GPD2: variants seen among roughly 807,000 people sequenced by gnomAD.
GPD2 encodes the protein glycerol-3-phosphate dehydrogenase, mitochondrial.
A neutral mutation model predicts 82.4 loss-of-function variants in GPD2; 54 were observed. The observed-to-expected ratio is 0.66, with a 90% CI of 0.53 to 0.82. The LOEUF (loss-of-function observed/expected upper bound fraction) is 0.82. Ranked by LOEUF, GPD2 falls within the 40% of genes least tolerant of loss-of-function variation. The pLI is 0.00. For missense variants in GPD2, 748 were observed against 896.2 expected (o/e 0.83, Z 2.11); for synonymous variants, 288 against 306.1 (o/e 0.94, Z 0.62).
At chr2:156,445,186 G>A (rs1682327245) in intron 1 of GPD2, among the ~76,000 whole-genome samples, 1 of 152,150 alleles carries the variant, frequency 6.6e-6, no homozygotes, top group South Asian at 2.1e-4. Context: ...AGTACTTTGT[G>A]CACATTTTTT....
intron 9 of GPD2, among the ~76,000 whole-genome samples, chr2:156,563,773 A>AG (rs34331054): frequency 7.9e-5 from 12 of 152,144 alleles, no homozygotes; most frequent in Admixed American, 2.0e-4. Flanking sequence ...TTAATCTACC[A>AG]GACAAGTCTG....
chr2:156,428,974 C>T, the GPD2 span, among the ~76,000 whole-genome samples: 1 of 152,176 alleles, frequency 6.6e-6, no homozygotes, highest in Non-Finnish European at 1.5e-5. Flanking sequence ...AGGTCAATGC[C>T]TACATGTTTG....
chr2:156,401,028 G>A, the GPD2 span, among the ~76,000 whole-genome samples: 1 of 152,212 alleles, frequency 6.6e-6, no homozygotes, highest in Non-Finnish European at 1.5e-5. Context: ...AAGTGAAATA[G>A]GGAATTGGCT....
chr2:156,524,043 T>C (rs1359262037), intron 6 of GPD2, among the ~76,000 whole-genome samples: 1 of 152,196 alleles, frequency 6.6e-6, no homozygotes, highest in Non-Finnish European at 1.5e-5. Flanking sequence ...CATGGATATA[T>C]TATTGCTTAA....
intron 6 of GPD2, among the ~76,000 whole-genome samples, chr2:156,522,953 AG>A (rs1295237381): frequency 5.3e-5 from 8 of 149,546 alleles, no homozygotes; most frequent in Non-Finnish European, 4.5e-5. Flanking sequence ...GAGAAATTTT[AG>A]GTTCACAACA....
chr2:156,572,131 C>T (rs116092360), intron 13 of GPD2, among the ~76,000 whole-genome samples: 78 of 152,150 alleles, frequency 5.1e-4, no homozygotes, highest in Non-Finnish European at 1.0e-3. Context: ...TCTGGAACAC[C>T]ACCTCTCTTG....
chr2:156,425,843 T>C, the GPD2 span, among the ~76,000 whole-genome samples: 1 of 152,022 alleles, frequency 6.6e-6, no homozygotes, highest in South Asian at 2.1e-4. Context: ...CATACTACAG[T>C]CCGGGTGTGT....
intron 2 of GPD2, among the ~76,000 whole-genome samples, chr2:156,486,032 T>C (rs1325716172): frequency 1.3e-5 from 2 of 152,238 alleles, no homozygotes; most frequent in African/African-American, 4.8e-5. Context: ...ATGTGTCTGA[T>C]ATCTAAAGCT....
chr2:156,434,505 C>G (rs940387015), upstream of GPD2, among the ~76,000 whole-genome samples: 3 of 152,122 alleles, frequency 2.0e-5, no homozygotes, highest in East Asian at 5.8e-4. Context: ...GATTGTTCTT[C>G]GTATCACAAA....
At chr2:156,444,449 A>T (rs1259366747) in intron 1 of GPD2, among the ~76,000 whole-genome samples, 1 of 152,204 alleles carries the variant, frequency 6.6e-6, no homozygotes, top group East Asian at 1.9e-4. Context: ...GCAGTGGCTC[A>T]TGCCTGTAAT....
the GPD2 span, among the ~76,000 whole-genome samples, chr2:156,407,079 G>A: frequency 6.6e-6 from 1 of 152,212 alleles, no homozygotes. Context: ...AGGCATGGTG[G>A]CTCATGCCTG....
chr2:156,522,079 G>A (rs1685429473), intron 6 of GPD2, among the ~76,000 whole-genome samples: 1 of 151,970 alleles, frequency 6.6e-6, no homozygotes, highest in Non-Finnish European at 1.5e-5. Flanking sequence ...ATAAATTGTG[G>A]CTTCAAAGGA....
At chr2:156,484,929 C>T (rs1373850229) in intron 2 of GPD2, among the ~76,000 whole-genome samples, 4 of 152,164 alleles carry the variant, frequency 2.6e-5, no homozygotes, top group Non-Finnish European at 5.9e-5. Flanking sequence ...CATCTGCTCA[C>T]CCACCCTCTG....
At chr2:156,455,462 T>TC (rs1416311098) in intron 1 of GPD2, among the ~76,000 whole-genome samples, 1 of 152,198 alleles carries the variant, frequency 6.6e-6, no homozygotes, top group East Asian at 1.9e-4. Context: ...TTCCTTTGAC[T>TC]CGTATATAAG....
chr2:156,484,083 T>G (rs1683840009), intron 2 of GPD2, among the ~76,000 whole-genome samples: 3 of 151,660 alleles, frequency 2.0e-5, no homozygotes, highest in Non-Finnish European at 1.5e-5. Context: ...GTAAACAATA[T>G]TCTATCTGCA....
intron 1 of GPD2, among the ~76,000 whole-genome samples, chr2:156,441,634 G>A (rs1464228916): frequency 4.6e-5 from 7 of 152,192 alleles, no homozygotes; most frequent in African/African-American, 1.7e-4. Context: ...TGAGGATGGG[G>A]TTGTAGGAAC....
rs199775599 is a variant in GPD2 at position 156,568,905 on chromosome 2, A to G, written c.1246A>G (p.Ile416Val). Residue 416 changes from isoleucine to valine, a missense_variant, in exon 10 of 17, where the codon ATC becomes GTC. By Grantham distance (29) the Ile-to-Val change is conservative. Transcript: ENST00000438166. ...TDPKSADTQSISRNHVVDISE... is the reference protein window; with the variant it reads ...TDPKSADTQSVSRNHVVDISE... Reference sequence around the variant, plus strand: ...CCCCAAATCTGCAGATACTCAGTCTATCTCCCGAAATCATGTTGTTGATAT... The same window carrying G: ...CCCCAAATCTGCAGATACTCAGTCTGTCTCCCGAAATCATGTTGTTGATAT... The G allele has an allele frequency of 3.2e-5, 52 of 1,611,702 alleles. 1 individual carries two copies. The highest frequency in any genetic ancestry group is 5.5e-5 in the South Asian group (5 of 91,032).
chr2:156,485,301 C>T (rs1002211517), intron 2 of GPD2, among the ~76,000 whole-genome samples: 1 of 152,192 alleles, frequency 6.6e-6, no homozygotes, highest in African/African-American at 2.4e-5. Flanking sequence ...ATGGTTGAGT[C>T]ATAAGCTACC....
chr2:156,452,114 T>C (rs1355236961), intron 1 of GPD2, among the ~76,000 whole-genome samples: 1 of 143,566 alleles, frequency 7.0e-6, no homozygotes, highest in Non-Finnish European at 1.5e-5. Flanking sequence ...AGACGATGGG[T>C]GGCCAGGCAG....
Sources: gnomAD v4.1 joint callset for allele counts (sites outside exome capture counted in the v4.1 genomes callset) on GRCh38, gnomAD v4.1.1 for gene constraint, MANE v1.5 for transcripts, NCBI Gene and HGNC (gene_info 2026-07-23, HGNC 2026-07-21) for gene names.